Variants in PCDHGB3 observed in about 807,000 individuals in gnomAD.
PCDHGB3 encodes protocadherin gamma-B3.
In PCDHGB3, 40 loss-of-function variants were observed where a neutral mutation model predicts 59.2. The ratio of observed to expected loss-of-function variants is 0.68; its 90% CI spans 0.52 to 0.88. PCDHGB3 has a LOEUF of 0.88. Among genes scored for constraint, PCDHGB3 ranks in the 40% least tolerant of loss-of-function variants. The probability of loss-of-function intolerance (pLI) is 0.00; values close to 1 mark genes in which losing one functional copy is unlikely to be tolerated. For synonymous variants in PCDHGB3, 581 were observed against 503.6 expected (o/e 1.15, Z -2.06); for missense variants, 1,309 against 1,187.9 (o/e 1.10, Z -1.50).
In PCDHGB3 at chr5:141,384,445, G is replaced by A. The variant is rs182497799; in HGVS notation, c.2415+11636G>A. 5.0e-6 allele frequency: 8 copies of A among 1,613,990 alleles called. 1 individual carries two copies. The African/African-American group carries it at 5.3e-5, about 11-fold the overall frequency. ...AAACTCTGACACTGGAGTCCTGTAC[G>A]CGCTGCAATCCTTTGATTATGAGCA... On this transcript the variant is annotated intron_variant, in intron 1 of 3. Transcript: ENST00000576222.
intron 1 of PCDHGB3, among the ~76,000 whole-genome samples, chr5:141,407,095 T>C (rs1242751445): frequency 6.6e-6 from 1 of 152,370 alleles, no homozygotes; most frequent in East Asian, 1.9e-4. Flanking sequence ...ATTGTTTTAT[T>C]TGTTTGTAAT....
At chr5:141,496,602 C>A (rs981108050) in intron 2 of PCDHGB3, among the ~76,000 whole-genome samples, 5 of 152,150 alleles carry the variant, frequency 3.3e-5, no homozygotes, top group Admixed American at 1.3e-4. Flanking sequence ...TCTTAGAAGG[C>A]CCCTAAAAAG....
chr5:141,405,612 C>T, intron 1 of PCDHGB3: 1 of 557,514 alleles, frequency 1.8e-6, no homozygotes, highest in Non-Finnish European at 3.2e-6. Flanking sequence ...ATAACTGGGA[C>T]TACAGGCACG....
In PCDHGB3 at chr5:141,438,615, TATATATATATATATATATATACACAC is replaced by T. The variant is rs1337184558; in HGVS notation, c.2416-56190_2416-56165del. ...ACATATATATATATATATATATATATATATATATATATATATATATACACACACACACACACATATATGTATATATA... is the reference window on the plus strand; with the variant it reads ...ACATATATATATATATATATATATATACACACACACATATATGTATATATA... On this transcript the variant is annotated intron_variant, in intron 1 of 3. Coordinates refer to ENST00000576222, the MANE Select transcript of PCDHGB3 (RefSeq NM_018924.5). 3.6e-3 allele frequency among the ~76,000 whole-genome samples: 130 copies of T among 35,912 alleles called. 2 individuals are homozygous for T. Among genetic ancestry groups the T allele is most frequent in the African/African-American group, 0.022 (107 of 4,918 alleles). The allele number at this position is 35,912 out of a possible 152,430, so 23.6% of individuals were successfully genotyped here.
At chr5:141,390,506 T>A in intron 1 of PCDHGB3, 1 of 598,006 alleles carries the variant, frequency 1.7e-6, no homozygotes, top group Non-Finnish European at 2.9e-6. Context: ...CAAGCTTAGA[T>A]TTATAAAGCA....
chr5:141,374,885 G>C, intron 1 of PCDHGB3: 1 of 1,613,634 alleles, frequency 6.2e-7, no homozygotes, highest in Non-Finnish European at 8.5e-7. Flanking sequence ...GACTGCCACC[G>C]ACCAGGATGA....
chr5:141,470,444 A>G (rs970120314), intron 1 of PCDHGB3, among the ~76,000 whole-genome samples: 8 of 152,222 alleles, frequency 5.3e-5, no homozygotes, highest in African/African-American at 1.9e-4. Context: ...ATAATTTAAT[A>G]GCATCTTGAA....
At chr5:141,374,177 C>T in intron 1 of PCDHGB3, 4 of 1,613,578 alleles carry the variant, frequency 2.5e-6, no homozygotes, top group Non-Finnish European at 3.4e-6. Context: ...AGCGCAGATC[C>T]GCTACTCTAT....
intron 1 of PCDHGB3, chr5:141,384,102 T>G (rs1156310174): frequency 1.3e-6 from 2 of 1,599,484 alleles, no homozygotes; most frequent in Admixed American, 3.4e-5. Flanking sequence ...TAGATAATTA[T>G]TATAGATTGG....
At chr5:141,418,124 C>G (rs762154093) in intron 1 of PCDHGB3, 1 of 1,613,836 alleles carries the variant, frequency 6.2e-7, no homozygotes, top group African/African-American at 1.3e-5. Context: ...TGTGAAGGAC[C>G]GAATAGACCG....
chr5:141,432,521 G>A lies in PCDHGB3; in HGVS notation c.2415+59712G>A. The stretch of plus-strand genomic sequence containing the variant: ...CCGCTCCGCAGAGCCCGGCTACCTG[G>A]TGACCAAGGTGGTGGCGGTGGACAG... On this transcript the variant is annotated intron_variant, in intron 1 of 3. Coordinates refer to ENST00000576222, the MANE Select transcript of PCDHGB3 (RefSeq NM_018924.5). The surrounding 1 kb of genome is among the most constrained non-coding windows in gnomAD (Gnocchi z 6.0). The A allele has an allele frequency of 6.2e-7, 1 of 1,614,112 alleles. No homozygotes were observed. Among genetic ancestry groups the A allele is most frequent in the Non-Finnish European group, 8.5e-7 (1 of 1,180,028 alleles).
intron 1 of PCDHGB3, among the ~76,000 whole-genome samples, chr5:141,450,145 T>A (rs2098671113): frequency 6.6e-6 from 1 of 151,890 alleles, no homozygotes; most frequent in South Asian, 2.1e-4. Flanking sequence ...TAGCTGGGAC[T>A]ACAGGCATGT....
intron 2 of PCDHGB3, among the ~76,000 whole-genome samples, chr5:141,495,663 G>T (rs756466649): frequency 6.6e-6 from 1 of 152,050 alleles, no homozygotes; most frequent in African/African-American, 2.4e-5. Context: ...GATCTGTGCC[G>T]CCCACTGTGC....
At chr5:141,399,758 T>G in intron 1 of PCDHGB3, 1 of 1,613,334 alleles carries the variant, frequency 6.2e-7, no homozygotes, top group Non-Finnish European at 8.5e-7. Context: ...AACGTGAGCC[T>G]GCGCGTGTTG....
chr5:141,442,751 T>G (rs756672976), intron 1 of PCDHGB3, among the ~76,000 whole-genome samples: 1 of 152,196 alleles, frequency 6.6e-6, no homozygotes, highest in Non-Finnish European at 1.5e-5. Context: ...CATGTTTTGA[T>G]TATATATATT....
chr5:141,455,593 C>G (rs957677108), intron 1 of PCDHGB3, among the ~76,000 whole-genome samples: 19 of 152,068 alleles, frequency 1.2e-4, no homozygotes, highest in African/African-American at 4.6e-4. Context: ...AATATGCAAA[C>G]GTAGGGCGCC....
At chr5:141,409,828 C>G in intron 1 of PCDHGB3, 1 of 1,611,128 alleles carries the variant, frequency 6.2e-7, no homozygotes, top group Non-Finnish European at 8.5e-7. Flanking sequence ...CGCCCACGCT[C>G]AGCGCCAACG....
intron 1 of PCDHGB3, chr5:141,417,652 GCCTGGGATTC>G: frequency 2.4e-6 from 2 of 840,506 alleles, no homozygotes; most frequent in Non-Finnish European, 3.5e-6. Context: ...TCAGCCTCTA[GCCTGGGATTC>G]CCTGCGCAGC....
At chr5:141,469,408 C>A (rs765861544) in intron 1 of PCDHGB3, among the ~76,000 whole-genome samples, 20 of 152,008 alleles carry the variant, frequency 1.3e-4, no homozygotes, top group Non-Finnish European at 2.6e-4. Flanking sequence ...AACCCCGTTT[C>A]TACTAAAAAT....
Sources: allele counts gnomAD v4.1 joint callset (sites outside exome capture counted in the v4.1 genomes callset), GRCh38; gene constraint gnomAD v4.1.1; non-coding constraint Gnocchi (gnomAD v3.1); transcripts MANE v1.5; gene names NCBI Gene and HGNC (gene_info 2026-07-23, HGNC 2026-07-21).